Variants in PAG1 observed in about 807,000 individuals in gnomAD.
PAG1 encodes the protein phosphoprotein membrane anchor with glycosphingolipid microdomains 1, also known as phosphoprotein associated with glycosphingolipid-enriched microdomains 1.
PAG1 carries 23 observed loss-of-function variants against 31.7 expected under a neutral mutation model. That is an observed-to-expected ratio of 0.73 (90% CI 0.52 to 1.03). The LOEUF (loss-of-function observed/expected upper bound fraction) is 1.03, where lower values mean the gene tolerates loss of function less well. Among genes scored for constraint, PAG1 ranks in the 50% least tolerant of loss-of-function variants. PAG1 has a pLI of 0.00. For synonymous variants in PAG1, 214 were observed against 210.3 expected, an observed-to-expected ratio of 1.02 and a Z score of -0.15; for missense variants, 473 against 540.7, an observed-to-expected ratio of 0.87 and a Z score of 1.24.
chr8:81,092,187 T>G (rs1229508231), intron 1 of PAG1, among the ~76,000 whole-genome samples: 1 of 61,568 alleles, frequency 1.6e-5, no homozygotes, highest in Non-Finnish European at 2.8e-5. Flanking sequence ...ACCACATCTC[T>G]GCAAAAAAAA....
intron 3 of PAG1, among the ~76,000 whole-genome samples, chr8:80,997,827 C>T (rs911871521): frequency 5.3e-5 from 8 of 152,232 alleles, no homozygotes; most frequent in African/African-American, 1.9e-4. Context: ...TGGCTGGAGA[C>T]TGTAATATAA....
At chr8:81,084,105 A>AAG (rs1040519997) in intron 1 of PAG1, among the ~76,000 whole-genome samples, 2 of 151,834 alleles carry the variant, frequency 1.3e-5, no homozygotes, top group Non-Finnish European at 2.9e-5. Flanking sequence ...CAGGTAACTC[A>AAG]CTATTGTGTG....
Position 80,984,865 on chromosome 8 carries a change from T to C in PAG1, c.787A>G (p.Lys263Glu). The change falls in exon 7 of 9, where the codon AAG (lysine) becomes GAG (glutamate). Residue 263 changes from lysine (K) to glutamate (E), a missense_variant. By Grantham distance (56) the Lys-to-Glu change is moderately conservative (BLOSUM62 1). Coordinates refer to ENST00000220597, the MANE Select transcript of PAG1 (RefSeq NM_018440.4). ...EEEAPPPVPV[K>E]LLDENENLQE... is the part of the protein sequence containing the mutation. ...AGGTTTTCATTCTCGTCCAGAAGCT[T>C]AACAGGGACAGGTGGTGGGGCCTCC... 6.2e-7 allele frequency: 1 copy of C among 1,614,086 alleles called. No homozygotes were observed. The highest frequency in any genetic ancestry group is 8.5e-7 in the Non-Finnish European group (1 of 1,179,970).
At position 80,993,090 on chromosome 8, in the gene PAG1, C is replaced by A; in HGVS notation, c.125+13G>T. On this transcript the variant is annotated intron_variant, in intron 4 of 8. Transcript: ENST00000220597. ...TTAGTTTAAGGCACAGGTATATACA[C>A]TCTGGTTCTCACCTGTCACAACTAG... The A allele has an allele frequency of 6.2e-7, 1 of 1,612,116 alleles. No individual in the cohort carries two copies.
At chr8:81,039,141 CTG>C (rs146818284) in intron 2 of PAG1, among the ~76,000 whole-genome samples, 29 of 151,624 alleles carry the variant, frequency 1.9e-4, no homozygotes, top group African/African-American at 5.8e-4. Context: ...ATCTTATACT[CTG>C]TGTGTGTGTG....
chr8:81,054,917 AC>A (rs1481279980), intron 2 of PAG1, among the ~76,000 whole-genome samples: 1 of 151,492 alleles, frequency 6.6e-6, no homozygotes, highest in East Asian at 2.0e-4. Context: ...GAAGGGGGAA[AC>A]TTTTATCACT....
intron 2 of PAG1, among the ~76,000 whole-genome samples, chr8:81,039,097 G>A (rs887660873): frequency 2.0e-5 from 3 of 152,142 alleles, no homozygotes; most frequent in Non-Finnish European, 4.4e-5. Context: ...ACTCTAATAA[G>A]AGTCCATGTT....
intron 1 of PAG1, among the ~76,000 whole-genome samples, chr8:81,109,986 G>A (rs948824542): frequency 3.3e-5 from 5 of 149,792 alleles, no homozygotes; most frequent in Non-Finnish European, 7.5e-5. Context: ...CTCACAAACC[G>A]CAATGTGTTG....
At chr8:80,996,010 G>T (rs1418397484) in intron 3 of PAG1, among the ~76,000 whole-genome samples, 1 of 152,254 alleles carries the variant, frequency 6.6e-6, no homozygotes, top group African/African-American at 2.4e-5. Flanking sequence ...GCCACTGAAA[G>T]ACTTTTTCCC....
intron 1 of PAG1, among the ~76,000 whole-genome samples, chr8:81,080,255 C>T (rs1016648358): frequency 6.6e-6 from 1 of 151,976 alleles, no homozygotes; most frequent in African/African-American, 2.4e-5. Context: ...TAGTGACTAG[C>T]CTTCGTAGAT....
At chr8:81,070,008 A>G (rs979934234) in intron 2 of PAG1, 104 bp downstream of exon 2, 1 of 152,266 alleles carries the variant, frequency 6.6e-6, no homozygotes, top group African/African-American at 2.4e-5. Context: ...TAACCCAAAC[A>G]GAGTCTCCAA....
At chr8:81,037,281 C>A (rs1009344157) in intron 2 of PAG1, 4 of 152,112 alleles carry the variant, frequency 2.6e-5, no homozygotes, top group Non-Finnish European at 4.4e-5. Context: ...AAGACAGATA[C>A]AGTTATAATA....
chr8:81,103,994 G>C (rs1809651324), intron 1 of PAG1, among the ~76,000 whole-genome samples: 1 of 152,114 alleles, frequency 6.6e-6, no homozygotes, highest in African/African-American at 2.4e-5. Context: ...TAAGCTTCTT[G>C]AGATCCAGAA....
intron 2 of PAG1, among the ~76,000 whole-genome samples, chr8:81,039,217 T>A (rs190052073): frequency 1.2e-3 from 180 of 152,314 alleles, no homozygotes; most frequent in African/African-American, 3.7e-3. Flanking sequence ...CCAAAATTCA[T>A]GTCTCTAAGT....
At chr8:80,978,285 A>T (rs1299330892) in intron 8 of PAG1, among the ~76,000 whole-genome samples, 2 of 152,208 alleles carry the variant, frequency 1.3e-5, no homozygotes, top group Non-Finnish European at 1.5e-5. Context: ...CTCACCTTAG[A>T]GGTTTTAATG....
chr8:81,026,824 C>T (rs984440842), intron 3 of PAG1, among the ~76,000 whole-genome samples: 1 of 152,142 alleles, frequency 6.6e-6, no homozygotes, highest in Non-Finnish European at 1.5e-5. Context: ...GAACCTGGCC[C>T]TGCCTCAACC....
chr8:81,029,288 AG>A (rs968537274), intron 3 of PAG1, among the ~76,000 whole-genome samples: 1 of 152,034 alleles, frequency 6.6e-6, no homozygotes, highest in African/African-American at 2.4e-5. Flanking sequence ...TCACAAAGAA[AG>A]CGCCTAGAGT....
At chr8:80,999,685 G>A (rs1354011846) in intron 3 of PAG1, among the ~76,000 whole-genome samples, 1 of 152,178 alleles carries the variant, frequency 6.6e-6, no homozygotes, top group Non-Finnish European at 1.5e-5. Flanking sequence ...CCTTTTGGTG[G>A]AGGGGTATGT....
intron 2 of PAG1, among the ~76,000 whole-genome samples, chr8:81,062,683 G>A (rs1297272981): frequency 7.5e-6 from 1 of 133,714 alleles, no homozygotes; most frequent in Non-Finnish European, 1.7e-5. Context: ...CCTCTCAACA[G>A]AAATCTTTTT....
Sources: allele counts gnomAD v4.1 joint callset (sites outside exome capture counted in the v4.1 genomes callset), GRCh38; gene constraint gnomAD v4.1.1; transcripts MANE v1.5; gene names NCBI Gene and HGNC (gene_info 2026-07-23, HGNC 2026-07-21).